The following CAP2 variants were observed in gnomAD, a reference collection of about 807,000 sequenced individuals.
CAP2 encodes the protein adenylyl cyclase-associated protein 2.
In CAP2, 24 loss-of-function variants were observed where a neutral mutation model predicts 57.7. The ratio of observed to expected loss-of-function variants is 0.42; its 90% confidence interval spans 0.30 to 0.58. CAP2 has a LOEUF of 0.58. Ranked by LOEUF, CAP2 falls within the 20% of genes least tolerant of loss-of-function variation. The probability of loss-of-function intolerance (pLI) is 0.22; values close to 1 mark genes in which losing one functional copy is unlikely to be tolerated. For synonymous variants in CAP2, 194 were observed against 207.2 expected (o/e 0.94, Z 0.55); for missense variants, 501 against 590.3 (o/e 0.85, Z 1.57).
At chr6:17,473,269 T>C (rs1364035780) in intron 4 of CAP2, among the ~76,000 whole-genome samples, 1 of 152,220 alleles carries the variant, frequency 6.6e-6, no homozygotes, top group Non-Finnish European at 1.5e-5. Context: ...AAATGCTACA[T>C]AAATGATAAA....
intron 3 of CAP2, among the ~76,000 whole-genome samples, chr6:17,427,895 A>G (rs1052423719): frequency 6.6e-6 from 1 of 152,222 alleles, no homozygotes; most frequent in Non-Finnish European, 1.5e-5. Flanking sequence ...CCAGACACAA[A>G]AAGACAAATA....
At chr6:17,529,507 G>A (rs992572591) in intron 7 of CAP2, among the ~76,000 whole-genome samples, 1 of 151,934 alleles carries the variant, frequency 6.6e-6, no homozygotes, top group African/African-American at 2.4e-5. Context: ...CGGGCATGGT[G>A]GCAGGCGCCT....
At chr6:17,529,651 A>AAAAAAATATATATATATAT (rs10656588) in intron 7 of CAP2, among the ~76,000 whole-genome samples, 15 of 134,532 alleles carry the variant, frequency 1.1e-4, no homozygotes, top group African/African-American at 4.4e-4. Context: ...AAAAAAAAAA[A>AAAAAAATATATATATATAT]ATATATATAT....
chr6:17,515,234 CAAG>C (rs1180843134), intron 7 of CAP2, among the ~76,000 whole-genome samples: 3 of 151,426 alleles, frequency 2.0e-5, no homozygotes, highest in Admixed American at 6.6e-5. Context: ...TTGAAGGGAA[CAAG>C]AAGGTTTGAA....
At chr6:17,529,651 A>AAAT (rs10656588) in intron 7 of CAP2, among the ~76,000 whole-genome samples, 2,298 of 134,488 alleles carry the variant, frequency 0.017, 94 homozygotes, top group African/African-American at 0.063. Flanking sequence ...AAAAAAAAAA[A>AAAT]ATATATATAT....
chr6:17,499,700 A>G (rs1173096061), intron 4 of CAP2, among the ~76,000 whole-genome samples: 2 of 151,938 alleles, frequency 1.3e-5, no homozygotes, highest in African/African-American at 4.8e-5. Context: ...AAAATCAAAA[A>G]CTTAGCCAGG....
rs527931968 is a variant in CAP2 at position 17,540,179 on chromosome 6, G to T, written c.826+721G>T. Among the ~76,000 whole-genome samples, 6 of 152,262 alleles carry T rather than the reference G, an allele frequency of 3.9e-5. No individual in the cohort carries two copies. The East Asian group carries it at 1.2e-3, about 29-fold the overall frequency. ...CCCACTATACTGGGCTTGGAGCTAA[G>T]AATCCAAAATTCTAAATTTTTCTCT... On this transcript the variant is annotated intron_variant, in intron 8 of 12. Transcript: ENST00000229922.
chr6:17,406,243 G>C (rs1256288827), intron 1 of CAP2, among the ~76,000 whole-genome samples: 1 of 152,092 alleles, frequency 6.6e-6, no homozygotes, highest in East Asian at 1.9e-4. Context: ...TTCTTTTAAA[G>C]TTTAAGGTGC....
intron 1 of CAP2, among the ~76,000 whole-genome samples, chr6:17,398,659 G>A (rs745449997): frequency 1.3e-4 from 19 of 151,568 alleles, no homozygotes; most frequent in Non-Finnish European, 2.4e-4. Flanking sequence ...CAAGTAGCTG[G>A]GACTACAGGT....
chr6:17,441,157 T>C (rs1222579813), intron 3 of CAP2, among the ~76,000 whole-genome samples: 2 of 151,480 alleles, frequency 1.3e-5, no homozygotes, highest in Non-Finnish European at 2.9e-5. Flanking sequence ...AATATATTAG[T>C]ATTTCTTCAT....
chr6:17,440,362 G>C (rs972109678), intron 3 of CAP2, among the ~76,000 whole-genome samples: 1 of 151,480 alleles, frequency 6.6e-6, no homozygotes, highest in Non-Finnish European at 1.5e-5. Context: ...ATTTGTGTCT[G>C]GCTACCTTTC....
chr6:17,499,643 G>A (rs1385441889), intron 4 of CAP2, among the ~76,000 whole-genome samples: 1 of 151,982 alleles, frequency 6.6e-6, no homozygotes, highest in South Asian at 2.1e-4. Context: ...GAGCCCAGGA[G>A]TTCAAGACCA....
At chr6:17,554,244 C>T (rs1260132750) in intron 12 of CAP2, among the ~76,000 whole-genome samples, 1 of 152,098 alleles carries the variant, frequency 6.6e-6, no homozygotes, top group Admixed American at 6.6e-5. Context: ...GTAGCTGGGA[C>T]TACAGGCGTG....
chr6:17,549,416 A>G (rs2113709609), intron 11 of CAP2, among the ~76,000 whole-genome samples: 1 of 152,258 alleles, frequency 6.6e-6, no homozygotes, highest in South Asian at 2.1e-4. Context: ...TGAGCCAAGA[A>G]TCGTGCCATT....
intron 4 of CAP2, among the ~76,000 whole-genome samples, chr6:17,480,263 T>G (rs1223322036): frequency 3.3e-5 from 5 of 152,194 alleles, no homozygotes; most frequent in African/African-American, 1.2e-4. Flanking sequence ...CCACAGCAAA[T>G]CCATTATCCC....
At position 17,556,830 on chromosome 6, in the gene CAP2, A is replaced by G. The variant is rs934815957; in HGVS notation, c.*388A>G. 4.0e-5 allele frequency: 7 copies of G among 176,126 alleles called. No homozygotes were observed. The highest frequency in any genetic ancestry group is 1.4e-4 in the African/African-American group (6 of 42,106). The allele number at this position is 176,126 out of a possible 1,614,324, so 10.9% of individuals were successfully genotyped here. The stretch of plus-strand genomic sequence containing the variant: ...AAACCTTTGAGAATCTAAGATGTAC[A>G]TTTTTACCTTTTAGGCAATTTCAAT... On this transcript the variant is annotated 3_prime_UTR_variant, in exon 13 of 13. Coordinates refer to ENST00000229922, the MANE Select transcript of CAP2 (RefSeq NM_006366.3).
At chr6:17,541,923 G>A (rs1762911984) in intron 9 of CAP2, among the ~76,000 whole-genome samples, 1 of 152,064 alleles carries the variant, frequency 6.6e-6, no homozygotes, top group African/African-American at 2.4e-5. Context: ...TTTGTGAGTG[G>A]TGGTAAAATA....
intron 4 of CAP2, among the ~76,000 whole-genome samples, chr6:17,470,764 C>G (rs1209483631): frequency 1.3e-5 from 2 of 152,196 alleles, no homozygotes; most frequent in African/African-American, 4.8e-5. Context: ...TTTGGCCAGT[C>G]CACCAGAGTG....
intron 1 of CAP2, among the ~76,000 whole-genome samples, chr6:17,414,382 C>T (rs1759223885): frequency 6.6e-6 from 1 of 151,992 alleles, no homozygotes; most frequent in African/African-American, 2.4e-5. Context: ...ACCTATTGAC[C>T]CGTCCTCCAA....
Sources: gnomAD v4.1 joint callset for allele counts (sites outside exome capture counted in the v4.1 genomes callset) on GRCh38, gnomAD v4.1.1 for gene constraint, MANE v1.5 for transcripts, NCBI Gene and HGNC (gene_info 2026-07-23, HGNC 2026-07-21) for gene names.